Variants in IL1RAPL2 observed in about 807,000 individuals in gnomAD.
IL1RAPL2 encodes the protein X-linked interleukin-1 receptor accessory protein-like 2.
Under a neutral mutation model 44.1 loss-of-function variants are expected in IL1RAPL2, and 3 were observed. The observed-to-expected ratio is 0.07, with a 90% CI of 0.03 to 0.18. IL1RAPL2 has a LOEUF of 0.18. IL1RAPL2 is among the 10% of genes least tolerant of loss of function. IL1RAPL2 has a pLI of 1.00. For missense variants in IL1RAPL2, 391 were observed against 496.4 expected (o/e 0.79, Z 2.02); for synonymous variants, 181 against 178.8 (o/e 1.01, Z -0.10).
At chrX:104,719,221 G>A (rs1272888396) in intron 2 of IL1RAPL2, among the ~76,000 whole-genome samples, 1 of 112,261 alleles carries the variant, frequency 8.9e-6, no homozygotes, top group East Asian at 2.8e-4. Context: ...GAACCTGTAA[G>A]TTAAGATGCT....
chrX:105,504,225 T>C (rs2036415602), intron 6 of IL1RAPL2, among the ~76,000 whole-genome samples: 1 of 111,530 alleles, frequency 9.0e-6, no homozygotes, highest in African/African-American at 3.3e-5. Flanking sequence ...GACAAACACA[T>C]AGGCAGGTTT....
chrX:105,374,460 C>T (rs2035370070), intron 5 of IL1RAPL2, among the ~76,000 whole-genome samples: 1 of 111,513 alleles, frequency 9.0e-6, no homozygotes, highest in African/African-American at 3.3e-5. Context: ...ATTGATTCTT[C>T]CTATCCGTGA....
At position 105,423,625 on chromosome X, in the gene IL1RAPL2, T is replaced by C. The variant is rs764384741; in HGVS notation, c.698-60688T>C. Among the ~76,000 whole-genome samples the C allele has an allele frequency of 3.6e-5, 4 of 111,640 alleles. No individual in the cohort carries two copies. In the South Asian group the frequency reaches 1.5e-3, roughly 42 times the overall value. On this transcript the variant is annotated intron_variant, in intron 5 of 10. Transcript: ENST00000372582. ...CCAACAATATGATCACTGAGCACTC[T>C]AATGGTAAGGAGAAATTAAGACAAG... is the stretch of plus-strand genomic sequence containing the variant.
At chrX:104,949,162 G>A (rs1212204999) in intron 2 of IL1RAPL2, among the ~76,000 whole-genome samples, 6 of 108,870 alleles carry the variant, frequency 5.5e-5, no homozygotes, top group Admixed American at 2.9e-4. Context: ...TGTATGTGTC[G>A]AGGAATTTAT....
chrX:105,051,163 A>G (rs2031916711), intron 2 of IL1RAPL2, among the ~76,000 whole-genome samples: 1 of 103,666 alleles, frequency 9.6e-6, no homozygotes, highest in African/African-American at 3.5e-5. Flanking sequence ...TTTGCCCAGG[A>G]ATCTGTCTGC....
intron 2 of IL1RAPL2, among the ~76,000 whole-genome samples, chrX:105,031,875 A>G (rs1181962612): frequency 1.8e-5 from 2 of 111,565 alleles, no homozygotes; most frequent in Non-Finnish European, 3.8e-5. Context: ...TTTGGTTGGT[A>G]AGCTATTGAT....
chrX:105,423,125 G>A (rs1394156780), intron 5 of IL1RAPL2, among the ~76,000 whole-genome samples: 1 of 111,084 alleles, frequency 9.0e-6, no homozygotes, highest in Non-Finnish European at 1.9e-5. Context: ...GGAACACATA[G>A]CAATAACATA....
chrX:105,723,363 G>A (rs891991654), intron 7 of IL1RAPL2, among the ~76,000 whole-genome samples: 1 of 111,163 alleles, frequency 9.0e-6, no homozygotes, highest in Non-Finnish European at 1.9e-5. Context: ...TTAAGTAATC[G>A]CTGAGAAGAT....
chrX:105,028,116 TA>T (rs2031408031), intron 2 of IL1RAPL2, among the ~76,000 whole-genome samples: 2 of 111,083 alleles, frequency 1.8e-5, no homozygotes, highest in Non-Finnish European at 3.8e-5. Flanking sequence ...CTATGGGATC[TA>T]AAAATGAAAA....
At chrX:104,908,786 A>G (rs1195030048) in intron 2 of IL1RAPL2, among the ~76,000 whole-genome samples, 1 of 108,062 alleles carries the variant, frequency 9.3e-6, no homozygotes, top group Non-Finnish European at 1.9e-5. Flanking sequence ...TGTGTCTTGG[A>G]GTTGCTCTTC....
intron 2 of IL1RAPL2, among the ~76,000 whole-genome samples, chrX:105,190,660 G>A (rs1179042387): frequency 1.8e-5 from 2 of 109,875 alleles, no homozygotes; most frequent in Non-Finnish European, 3.8e-5. Context: ...CCAATTTGGG[G>A]AAAAAAAAAT....
At chrX:105,297,533 C>T (rs1298299460) in intron 5 of IL1RAPL2, among the ~76,000 whole-genome samples, 2 of 110,390 alleles carry the variant, frequency 1.8e-5, no homozygotes, top group African/African-American at 3.3e-5. Flanking sequence ...GAGGCAGGCA[C>T]CTTTCTTCAC....
intron 1 of IL1RAPL2, among the ~76,000 whole-genome samples, chrX:104,582,618 TTCTTTC>T (rs767607065): frequency 1.1e-4 from 9 of 78,661 alleles, no homozygotes; most frequent in South Asian, 5.5e-4. Context: ...CTTTCTTTCT[TTCTTTC>T]TTTCTTTCTT....
Position 104,832,376 on chromosome X carries a change from A to G in IL1RAPL2, c.82+173381A>G, listed in dbSNP as rs559788526. Among the ~76,000 whole-genome samples the G allele has an allele frequency of 1.2e-4, 13 of 111,624 alleles. 1 individual carries two copies. In the East Asian group the frequency reaches 2.2e-3, roughly 19 times the overall value. ...GCTAATATCTGATATTTCAAACTCC[A>G]GTTGTTCATTGTGGGAGATTTCATT... On this transcript the variant is annotated intron_variant, in intron 2 of 10. Transcript: ENST00000372582.
intron 4 of IL1RAPL2, among the ~76,000 whole-genome samples, chrX:105,238,939 T>C (rs2034145097): frequency 9.0e-6 from 1 of 111,647 alleles, no homozygotes; most frequent in Non-Finnish European, 1.9e-5. Flanking sequence ...TTTAAAACTT[T>C]TGAGAGAATA....
intron 6 of IL1RAPL2, among the ~76,000 whole-genome samples, chrX:105,688,082 A>G (rs756662769): frequency 8.9e-6 from 1 of 111,869 alleles, no homozygotes; most frequent in Non-Finnish European, 1.9e-5. Context: ...CAAAATAATA[A>G]GAGCTATTTA....
intron 2 of IL1RAPL2, among the ~76,000 whole-genome samples, chrX:105,090,736 A>G (rs2032535043): frequency 8.9e-6 from 1 of 112,296 alleles, no homozygotes; most frequent in South Asian, 3.7e-4. Flanking sequence ...CTCAGGAATG[A>G]GAGTTCTTCT....
At chrX:104,948,720 T>G (rs1291040478) in intron 2 of IL1RAPL2, among the ~76,000 whole-genome samples, 14 of 110,789 alleles carry the variant, frequency 1.3e-4, no homozygotes, top group African/African-American at 4.6e-4. Context: ...TGGATTACGT[T>G]TATTGATTTG....
At chrX:104,578,482 G>A (rs1464094564) in intron 1 of IL1RAPL2, among the ~76,000 whole-genome samples, 1 of 111,623 alleles carries the variant, frequency 9.0e-6, no homozygotes, top group Non-Finnish European at 1.9e-5. Context: ...GGGCCGAAGG[G>A]GGTTCTTTTA....
Sources: gnomAD v4.1 joint callset for allele counts (sites outside exome capture counted in the v4.1 genomes callset) on GRCh38, gnomAD v4.1.1 for gene constraint, MANE v1.5 for transcripts, NCBI Gene and HGNC (gene_info 2026-07-23, HGNC 2026-07-21) for gene names.